NXPH1: variants seen among roughly 807,000 people sequenced by gnomAD.
The protein encoded by NXPH1 is neurexophilin-1.
NXPH1 carries 5 observed loss-of-function variants against 23.7 expected under a neutral mutation model. That is an observed-to-expected ratio of 0.21 (90% CI 0.11 to 0.44). The LOEUF is 0.44. Among genes scored for constraint, NXPH1 ranks in the 20% least tolerant of loss-of-function variants. The probability of loss-of-function intolerance (pLI) is 0.99; values close to 1 mark genes in which losing one functional copy is unlikely to be tolerated. For missense variants in NXPH1, 324 were observed against 321.6 expected (o/e 1.01, Z -0.06); for synonymous variants, 144 against 122.2 (o/e 1.18, Z -1.18).
chr7:8,624,027 TATA>T (rs971183723), intron 2 of NXPH1, among the ~76,000 whole-genome samples: 47 of 151,780 alleles, frequency 3.1e-4, no homozygotes, highest in Admixed American at 1.5e-3. Context: ...TCAAGATTTT[TATA>T]ATAATAATTG....
chr7:8,582,182 T>C (rs1426749571), intron 2 of NXPH1, among the ~76,000 whole-genome samples: 3 of 152,156 alleles, frequency 2.0e-5, no homozygotes, highest in African/African-American at 4.8e-5. Flanking sequence ...CCAGTGGCAC[T>C]GGGAAGCTTG....
intron 2 of NXPH1, among the ~76,000 whole-genome samples, chr7:8,633,526 G>A (rs984260861): frequency 6.6e-5 from 10 of 152,272 alleles, no homozygotes; most frequent in East Asian, 5.8e-4. Context: ...CGTGACAACC[G>A]AATTTCTCAG....
chr7:8,570,145 C>T (rs968105519), intron 2 of NXPH1, among the ~76,000 whole-genome samples: 1 of 151,844 alleles, frequency 6.6e-6, no homozygotes, highest in African/African-American at 2.4e-5. Flanking sequence ...ATACACTTCT[C>T]CCCATGAATG....
rs1780368697 is a variant in NXPH1, at chr7:8,741,786, T to C, written c.55-9222T>C. ...GCCATGTGTCCCCCTAAAATATTGA[T>C]TGTGAATCAAATAACATTCACTATT... On this transcript the variant is annotated intron_variant, in intron 2 of 2. Coordinates refer to ENST00000405863, the MANE Select transcript of NXPH1 (RefSeq NM_152745.3). Among the ~76,000 whole-genome samples the C allele has an allele frequency of 5.9e-5, 9 of 152,262 alleles. No individual in the cohort carries two copies. In the South Asian group the frequency reaches 1.9e-3, roughly 32 times the overall value.
chr7:8,653,752 T>A (rs767289499), intron 2 of NXPH1, among the ~76,000 whole-genome samples: 2 of 152,220 alleles, frequency 1.3e-5, no homozygotes, highest in African/African-American at 2.4e-5. Context: ...ATTATTAAAT[T>A]GTTCTATAAG....
chr7:8,672,975 C>T (rs1362522073), intron 2 of NXPH1, among the ~76,000 whole-genome samples: 1 of 152,100 alleles, frequency 6.6e-6, no homozygotes, highest in Non-Finnish European at 1.5e-5. Flanking sequence ...TATTACTTAC[C>T]ATCAAGATTG....
At chr7:8,692,247 C>G (rs1239847546) in intron 2 of NXPH1, among the ~76,000 whole-genome samples, 1 of 151,970 alleles carries the variant, frequency 6.6e-6, no homozygotes, top group Non-Finnish European at 1.5e-5. Flanking sequence ...ATTTGATGAA[C>G]ATATTTAGAA....
At chr7:8,513,860 G>A (rs1259187536) in intron 2 of NXPH1, among the ~76,000 whole-genome samples, 1 of 152,088 alleles carries the variant, frequency 6.6e-6, no homozygotes, top group Non-Finnish European at 1.5e-5. Context: ...CTAAACAACA[G>A]AAACGTATTG....
At chr7:8,610,203 C>T (rs1348800672) in intron 2 of NXPH1, among the ~76,000 whole-genome samples, 1 of 151,990 alleles carries the variant, frequency 6.6e-6, no homozygotes, top group Admixed American at 6.6e-5. Context: ...TAAATATTTT[C>T]CTTTGAAATT....
intron 2 of NXPH1, among the ~76,000 whole-genome samples, chr7:8,682,354 T>C (rs1230275181): frequency 6.6e-6 from 1 of 152,188 alleles, no homozygotes; most frequent in Non-Finnish European, 1.5e-5. Flanking sequence ...GAGTATGTGT[T>C]TTAAAAGCAC....
chr7:8,606,377 T>G (rs1819491828), intron 2 of NXPH1, among the ~76,000 whole-genome samples: 1 of 152,178 alleles, frequency 6.6e-6, no homozygotes, highest in African/African-American at 2.4e-5. Context: ...CCTACGTTAC[T>G]TGTTTGAACA....
At chr7:8,549,631 A>G (rs139686629) in intron 2 of NXPH1, among the ~76,000 whole-genome samples, 15 of 151,552 alleles carry the variant, frequency 9.9e-5, no homozygotes, top group Non-Finnish European at 1.9e-4. Flanking sequence ...GGAATTTTGT[A>G]AAGATATTTA....
intron 2 of NXPH1, among the ~76,000 whole-genome samples, chr7:8,715,077 A>G (rs908402809): frequency 2.6e-5 from 4 of 152,144 alleles, no homozygotes; most frequent in Non-Finnish European, 5.9e-5. Flanking sequence ...ATCCCAGAGC[A>G]CTTTAGTCTG....
At chr7:8,655,476 A>T (rs1162915602) in intron 2 of NXPH1, among the ~76,000 whole-genome samples, 2 of 134,814 alleles carry the variant, frequency 1.5e-5, no homozygotes, top group Non-Finnish European at 3.2e-5. Context: ...ACACACACAC[A>T]CACACATCAG....
intron 2 of NXPH1, among the ~76,000 whole-genome samples, chr7:8,668,560 G>T (rs112587231): frequency 0.019 from 2,918 of 152,272 alleles, 49 homozygotes; most frequent in Middle Eastern, 0.048. Context: ...GAGTCCATGG[G>T]GGTGGGCCTG....
intron 2 of NXPH1, among the ~76,000 whole-genome samples, chr7:8,469,766 A>G (rs183021888): frequency 1.4e-4 from 22 of 152,252 alleles, no homozygotes; most frequent in South Asian, 2.1e-4. Flanking sequence ...TTCCATATGT[A>G]TGATAACTAC....
chr7:8,552,052 TCC>T (rs1818284053), intron 2 of NXPH1, among the ~76,000 whole-genome samples: 3 of 145,452 alleles, frequency 2.1e-5, no homozygotes, highest in Admixed American at 7.0e-5. Context: ...ATGTGAATCT[TCC>T]CAAGTCTAAG....
At chr7:8,673,831 T>C (rs966455938) in intron 2 of NXPH1, among the ~76,000 whole-genome samples, 4 of 152,124 alleles carry the variant, frequency 2.6e-5, no homozygotes, top group African/African-American at 9.7e-5. Context: ...AAAAAACACA[T>C]CTTCCCCAAA....
At chr7:8,719,649 A>G (rs551637484) in intron 2 of NXPH1, among the ~76,000 whole-genome samples, 160 of 152,276 alleles carry the variant, frequency 1.1e-3, no homozygotes, top group Middle Eastern at 0.01. Flanking sequence ...AGTTCCCATA[A>G]AAAAGGCATC....
Sources: gnomAD v4.1 joint callset for allele counts (sites outside exome capture counted in the v4.1 genomes callset) on GRCh38, gnomAD v4.1.1 for gene constraint, MANE v1.5 for transcripts, NCBI Gene and HGNC (gene_info 2026-07-23, HGNC 2026-07-21) for gene names.